Variants in ZNF385D observed in about 807,000 individuals in gnomAD.
The protein encoded by ZNF385D is zinc finger protein 659.
A neutral mutation model predicts 35.8 loss-of-function variants in ZNF385D; 15 were observed. The observed-to-expected ratio is 0.42, with a 90% CI of 0.28 to 0.64. The LOEUF (loss-of-function observed/expected upper bound fraction) is 0.64. ZNF385D is among the 30% of genes least tolerant of loss of function. The pLI is 0.23. For missense variants in ZNF385D, 474 were observed against 494.6 expected, an observed-to-expected ratio of 0.96 and a Z score of 0.39; for synonymous variants, 212 against 186.8, an observed-to-expected ratio of 1.13 and a Z score of -1.10.
chr3:21,701,614 A>G (rs188109080), intron 1 of ZNF385D, among the ~76,000 whole-genome samples: 2 of 152,234 alleles, frequency 1.3e-5, no homozygotes, highest in African/African-American at 2.4e-5. Context: ...CATTAACCTA[A>G]AAGTCCACAG....
chr3:21,565,065 A>AAAAT (rs1031915243), intron 2 of ZNF385D, among the ~76,000 whole-genome samples: 1 of 152,232 alleles, frequency 6.6e-6, no homozygotes, highest in Non-Finnish European at 1.5e-5. Flanking sequence ...AATGGATTTC[A>AAAAT]AAATAGACTG....
chr3:21,471,664 T>C (rs1703908364), intron 4 of ZNF385D, among the ~76,000 whole-genome samples: 1 of 152,128 alleles, frequency 6.6e-6, no homozygotes, highest in Non-Finnish European at 1.5e-5. Context: ...CATCAAAATA[T>C]TTTTTGTTAC....
At chr3:21,459,443 T>A (rs1314369871) in intron 4 of ZNF385D, 1 of 152,094 alleles carries the variant, frequency 6.6e-6, no homozygotes, top group Non-Finnish European at 1.5e-5. Flanking sequence ...TAGTGTTGTA[T>A]TTATCTCTGT....
chr3:21,559,149 G>A (rs1392935982), intron 3 of ZNF385D, among the ~76,000 whole-genome samples: 1 of 152,048 alleles, frequency 6.6e-6, no homozygotes, highest in East Asian at 1.9e-4. Context: ...TTTAATTGGG[G>A]CATCTAGTCC....
At chr3:22,168,079 G>A (rs2125755982) in intron 3 of ZNF385D, among the ~76,000 whole-genome samples, 1 of 152,238 alleles carries the variant, frequency 6.6e-6, no homozygotes, top group Non-Finnish European at 1.5e-5. Context: ...TTAAATGTCA[G>A]TATAATTTAG....
chr3:21,594,219 C>G lies in ZNF385D; in HGVS notation c.166-29535G>C, dbSNP rs192173643. ...TGCTTTACACCAGACCTGCCAAGATCATTCACACTTATTTTGCAGTATCCA... is the reference window on the plus strand; with the variant it reads ...TGCTTTACACCAGACCTGCCAAGATGATTCACACTTATTTTGCAGTATCCA... On this transcript the variant is annotated intron_variant, in intron 2 of 7. Coordinates refer to ENST00000281523, the MANE Select transcript of ZNF385D (RefSeq NM_024697.3). 2.0e-5 allele frequency among the ~76,000 whole-genome samples: 3 copies of G among 152,144 alleles called. No homozygotes were observed. In the East Asian group the frequency reaches 5.8e-4, roughly 29 times the overall value.
chr3:22,291,606 A>T (rs533627644), intron 2 of ZNF385D, among the ~76,000 whole-genome samples: 247 of 152,130 alleles, frequency 1.6e-3, no homozygotes, highest in African/African-American at 5.3e-3. Context: ...TATTCTTTAC[A>T]ACAGTTAAAG....
intron 3 of ZNF385D, among the ~76,000 whole-genome samples, chr3:21,785,036 G>A (rs1011022313): frequency 6.6e-5 from 10 of 152,074 alleles, no homozygotes; most frequent in African/African-American, 2.4e-4. Flanking sequence ...CTCTAACATA[G>A]ATGCACACAC....
At chr3:21,986,730 T>C (rs1409649916) in intron 3 of ZNF385D, among the ~76,000 whole-genome samples, 2 of 124,816 alleles carry the variant, frequency 1.6e-5, no homozygotes, top group Non-Finnish European at 1.6e-5. Context: ...CCTTGTTGAC[T>C]TTCTGTCTCG....
chr3:22,262,925 C>T (rs1700710668), intron 2 of ZNF385D, among the ~76,000 whole-genome samples: 2 of 151,920 alleles, frequency 1.3e-5, no homozygotes, highest in South Asian at 4.1e-4. Flanking sequence ...GCACAGGTGC[C>T]TATGAGTCAC....
At chr3:21,642,376 T>C (rs941308028) in intron 2 of ZNF385D, among the ~76,000 whole-genome samples, 5 of 152,030 alleles carry the variant, frequency 3.3e-5, no homozygotes, top group Non-Finnish European at 7.4e-5. Flanking sequence ...TTCCTTGGCA[T>C]GAGACAAAAA....
At chr3:21,691,307 T>C (rs2067277684) in intron 1 of ZNF385D, among the ~76,000 whole-genome samples, 1 of 152,178 alleles carries the variant, frequency 6.6e-6, no homozygotes, top group Admixed American at 6.5e-5. Context: ...AGCTGCTTCC[T>C]CTCTGCTACT....
chr3:22,372,486 T>G, exon 2 of ZNF385D: 1 of 985,726 alleles, frequency 1.0e-6, no homozygotes, highest in South Asian at 4.7e-5. Context: ...CCCAGGAGCT[T>G]TTCTCTCCTT....
intron 2 of ZNF385D, among the ~76,000 whole-genome samples, chr3:22,252,393 C>G (rs558798855): frequency 2.6e-5 from 4 of 152,016 alleles, no homozygotes; most frequent in Non-Finnish European, 5.9e-5. Flanking sequence ...CAGAAAGATA[C>G]TTAAGATGCA....
intron 3 of ZNF385D, among the ~76,000 whole-genome samples, chr3:22,092,749 G>C (rs11129042): frequency 0.14 from 20,897 of 151,874 alleles, 1,532 homozygotes; most frequent in African/African-American, 0.19. Context: ...ATTACTGTCT[G>C]GTAACCTTAA....
chr3:21,890,538 G>A lies in ZNF385D; in HGVS notation c.326-225510C>T, dbSNP rs112836662. Among the ~76,000 whole-genome samples the A allele has an allele frequency of 8.6e-3, 1,314 of 152,244 alleles. 14 individuals carry two copies. Among genetic ancestry groups the A allele is most frequent in the African/African-American group, 0.031 (1,272 of 41,548 alleles). ...GGAGGCTGAGGCAGGAGAATTGCTG[G>A]AACCTGGGAGGCGGAGGTTGCAGTG... On this transcript the variant is annotated intron_variant, in intron 3 of 5. Transcript: ENST00000494108.
intron 3 of ZNF385D, among the ~76,000 whole-genome samples, chr3:21,558,703 T>A (rs945133477): frequency 9.9e-5 from 15 of 152,022 alleles, no homozygotes; most frequent in Admixed American, 3.9e-4. Flanking sequence ...ATATCTTTGT[T>A]AATTTTCTGT....
chr3:21,630,253 AGT>A (rs2065244031), intron 2 of ZNF385D, among the ~76,000 whole-genome samples: 3 of 144,440 alleles, frequency 2.1e-5, no homozygotes, highest in Non-Finnish European at 3.0e-5. Flanking sequence ...CCCAGGCTGG[AGT>A]ACAATGTTGT....
At chr3:21,670,370 C>T (rs1382528156) in intron 1 of ZNF385D, among the ~76,000 whole-genome samples, 1 of 151,800 alleles carries the variant, frequency 6.6e-6, no homozygotes, top group Non-Finnish European at 1.5e-5. Flanking sequence ...CAAACATTCA[C>T]ATATAGCAGG....
Sources: gnomAD v4.1 joint callset for allele counts (sites outside exome capture counted in the v4.1 genomes callset) on GRCh38, gnomAD v4.1.1 for gene constraint, MANE v1.5 for transcripts, NCBI Gene and HGNC (gene_info 2026-07-23, HGNC 2026-07-21) for gene names.